The following SUCLG2 variants were observed in gnomAD, a reference collection of about 807,000 sequenced individuals.
The protein encoded by SUCLG2 is succinate-CoA ligase GDP-forming subunit beta, also known as succinate--CoA ligase [GDP-forming] subunit beta, mitochondrial.
In SUCLG2, 42 loss-of-function variants were observed where a neutral mutation model predicts 47.9. That is an observed-to-expected ratio of 0.88 (90% CI 0.69 to 1.14). The LOEUF is 1.14. SUCLG2 is among the 50% of genes most tolerant of loss of function. The pLI is 0.00. For synonymous variants in SUCLG2, 195 were observed against 197.3 expected, an observed-to-expected ratio of 0.99 and a Z score of 0.10; for missense variants, 571 against 525.9, an observed-to-expected ratio of 1.09 and a Z score of -0.84.
At chr3:67,494,446 G>A (rs972886868) in intron 9 of SUCLG2, among the ~76,000 whole-genome samples, 1 of 151,916 alleles carries the variant, frequency 6.6e-6, no homozygotes, top group South Asian at 2.1e-4. Context: ...ACCAGCCTGA[G>A]CAACACAGCA....
chr3:67,576,853 CACTAAGAATTGATA>C (rs1707754821), intron 2 of SUCLG2, among the ~76,000 whole-genome samples: 1 of 152,224 alleles, frequency 6.6e-6, no homozygotes, highest in African/African-American at 2.4e-5. Context: ...TTCTAATCCT[CACTAAGAATTGATA>C]ACCAAATGCT....
chr3:67,637,633 G>A (rs184291230), intron 1 of SUCLG2, among the ~76,000 whole-genome samples: 2 of 152,268 alleles, frequency 1.3e-5, no homozygotes, highest in East Asian at 3.9e-4. Flanking sequence ...GCAAGCAAAG[G>A]CTGCCCTCCA....
intron 1 of SUCLG2, among the ~76,000 whole-genome samples, chr3:67,635,555 T>C (rs760488436): frequency 3.4e-4 from 52 of 152,326 alleles, no homozygotes; most frequent in Non-Finnish European, 6.3e-4. Flanking sequence ...GTCAGCCTTA[T>C]GCATGTGTTG....
chr3:67,513,063 T>C (rs1705842490), intron 6 of SUCLG2, among the ~76,000 whole-genome samples: 1 of 150,904 alleles, frequency 6.6e-6, no homozygotes, highest in Non-Finnish European at 1.5e-5. Flanking sequence ...AAGATATGCA[T>C]ATATATACAT....
chr3:67,533,482 G>C (rs989430714), intron 2 of SUCLG2, among the ~76,000 whole-genome samples: 4 of 152,156 alleles, frequency 2.6e-5, no homozygotes, highest in African/African-American at 9.7e-5. Flanking sequence ...CCTTCCCTGA[G>C]AGTTGATAGA....
intron 9 of SUCLG2, among the ~76,000 whole-genome samples, chr3:67,412,780 A>C (rs1426933192): frequency 6.6e-6 from 1 of 152,154 alleles, no homozygotes; most frequent in Non-Finnish European, 1.5e-5. Flanking sequence ...TTAACCCCAC[A>C]TATATTGTCA....
At chr3:67,593,346 G>C (rs1229401202) in intron 2 of SUCLG2, among the ~76,000 whole-genome samples, 1 of 143,594 alleles carries the variant, frequency 7.0e-6, no homozygotes, top group Admixed American at 6.9e-5. Context: ...ACAACTAAAA[G>C]TTGTTATCCT....
rs546945332 is a variant in SUCLG2, at chr3:67,589,399, A to T, written c.226+20056T>A. 2.6e-5 allele frequency among the ~76,000 whole-genome samples: 4 copies of T among 152,370 alleles called. No individual in the cohort carries two copies. In the South Asian group the frequency reaches 8.3e-4, roughly 32 times the overall value. ...TATCTCCAGCACCAAGTACCTGTAC[A>T]TAATACCTGCTAAATGAAGGAACAA... On this transcript the variant is annotated intron_variant, in intron 2 of 10. Coordinates refer to ENST00000307227, the MANE Select transcript of SUCLG2 (RefSeq NM_003848.4).
intron 2 of SUCLG2, among the ~76,000 whole-genome samples, chr3:67,579,673 G>A (rs1182677908): frequency 1.3e-5 from 2 of 152,184 alleles, no homozygotes; most frequent in South Asian, 2.1e-4. Flanking sequence ...ACGTCCTTCA[G>A]TGTAGCACCT....
intron 2 of SUCLG2, among the ~76,000 whole-genome samples, chr3:67,583,648 A>G (rs757390578): frequency 1.3e-5 from 2 of 152,172 alleles, no homozygotes; most frequent in African/African-American, 2.4e-5. Context: ...GGCTGGAACT[A>G]TGATTCTTAT....
chr3:67,550,802 C>T (rs574105502), intron 2 of SUCLG2, among the ~76,000 whole-genome samples: 9 of 152,060 alleles, frequency 5.9e-5, no homozygotes, highest in East Asian at 5.8e-4. Flanking sequence ...GGGGTCTGAG[C>T]GGCTTTGGCC....
intron 2 of SUCLG2, among the ~76,000 whole-genome samples, chr3:67,596,876 G>A (rs909555283): frequency 6.6e-6 from 1 of 152,158 alleles, no homozygotes; most frequent in Admixed American, 6.5e-5. Context: ...CAGAAGTAGG[G>A]GAGGCAGTGA....
chr3:67,622,836 C>G (rs1356589976), intron 1 of SUCLG2, among the ~76,000 whole-genome samples: 1 of 152,208 alleles, frequency 6.6e-6, no homozygotes, highest in Non-Finnish European at 1.5e-5. Flanking sequence ...AACGGACACT[C>G]CCTCAACAGG....
chr3:67,401,308 A>G (rs2106815544), intron 9 of SUCLG2, among the ~76,000 whole-genome samples: 1 of 152,312 alleles, frequency 6.6e-6, no homozygotes. Flanking sequence ...AAAGGTAAAA[A>G]AGATTCAAAT....
intron 9 of SUCLG2, among the ~76,000 whole-genome samples, chr3:67,444,039 C>T (rs1354576280): frequency 2.5e-5 from 3 of 122,002 alleles, no homozygotes; most frequent in Non-Finnish European, 5.5e-5. Flanking sequence ...CCTGGCCAGC[C>T]GCCCCGTCCG....
Position 67,601,073 on chromosome 3 carries a change from TG to T in SUCLG2, c.226+8381del, listed in dbSNP as rs1034452375. 3.1e-4 allele frequency among the ~76,000 whole-genome samples: 47 copies of T among 152,176 alleles called. 1 individual carries two copies. Among genetic ancestry groups the T allele is most frequent in the Admixed American group, 1.8e-3 (28 of 15,276 alleles). On this transcript the variant is annotated intron_variant, in intron 2 of 10. Coordinates refer to ENST00000307227, the MANE Select transcript of SUCLG2 (RefSeq NM_003848.4). ...ATCATAAAACCTTAAAATAATATTT[TG>T]GAAAAAAATTTAATATTTAGACAAT...
At chr3:67,595,657 T>C (rs1708276294) in intron 2 of SUCLG2, among the ~76,000 whole-genome samples, 1 of 152,134 alleles carries the variant, frequency 6.6e-6, no homozygotes, top group African/African-American at 2.4e-5. Flanking sequence ...AGCTCCATTG[T>C]GCCTGGGCCT....
chr3:67,392,922 C>A (rs928210660), intron 10 of SUCLG2, among the ~76,000 whole-genome samples: 1 of 152,028 alleles, frequency 6.6e-6, no homozygotes, highest in Non-Finnish European at 1.5e-5. Context: ...TCAAACAATC[C>A]TCCTGCCTCA....
At chr3:67,526,139 C>T (rs1474465810) in intron 4 of SUCLG2, among the ~76,000 whole-genome samples, 2 of 152,134 alleles carry the variant, frequency 1.3e-5, no homozygotes. Flanking sequence ...AGTGGAAATG[C>T]AAAACAGGTC....
Sources: allele counts gnomAD v4.1 joint callset (sites outside exome capture counted in the v4.1 genomes callset), GRCh38; gene constraint gnomAD v4.1.1; transcripts MANE v1.5; gene names NCBI Gene and HGNC (gene_info 2026-07-23, HGNC 2026-07-21).